The following SMYD4 variants were observed in gnomAD, a reference collection of about 807,000 sequenced individuals.
SMYD4 encodes protein-lysine N-methyltransferase SMYD4.
In SMYD4, 68 loss-of-function variants were observed where a neutral mutation model predicts 72.8. That is an observed-to-expected ratio of 0.93 (90% CI 0.77 to 1.14). The LOEUF (loss-of-function observed/expected upper bound fraction) is 1.14. SMYD4 is among the 50% of genes most tolerant of loss of function. The pLI is 0.00. For synonymous variants in SMYD4, 407 were observed against 388.6 expected (o/e 1.05, Z -0.56); for missense variants, 984 against 1,003.7 (o/e 0.98, Z 0.27).
intron 5 of SMYD4, among the ~76,000 whole-genome samples, chr17:1,793,995 G>GTATATATATATATGTA (rs546171787): frequency 1.1e-5 from 1 of 91,602 alleles, no homozygotes; most frequent in Non-Finnish European, 2.1e-5. Context: ...TAATTTTTGT[G>GTATATATATATATGTA]TATATATATA....
At chr17:1,819,774 A>G (rs1910799998) in intron 2 of SMYD4, among the ~76,000 whole-genome samples, 2 of 152,066 alleles carry the variant, frequency 1.3e-5, no homozygotes, top group African/African-American at 4.8e-5. Flanking sequence ...TTACACAGAC[A>G]TAATATGTAT....
chr17:1,803,886 GT>G (rs34556870), intron 4 of SMYD4, among the ~76,000 whole-genome samples: 42 of 143,966 alleles, frequency 2.9e-4, no homozygotes, highest in African/African-American at 6.2e-4. Flanking sequence ...AGTTCAGTTA[GT>G]TTTTTTTTTT....
intron 2 of SMYD4, 91 bp downstream of exon 2, chr17:1,827,766 CTTTA>C: frequency 6.9e-7 from 1 of 1,448,106 alleles, no homozygotes; most frequent in Non-Finnish European, 9.3e-7. Flanking sequence ...AAGACTCAAT[CTTTA>C]TTTAAGAAAA....
intron 5 of SMYD4, among the ~76,000 whole-genome samples, chr17:1,789,764 CAAA>C (rs60740904): frequency 6.7e-5 from 6 of 90,096 alleles, no homozygotes; most frequent in African/African-American, 1.9e-4. Flanking sequence ...GACTCTGTCT[CAAA>C]AAAAAAAAAA....
At chr17:1,782,672 T>C in intron 10 of SMYD4, 1 of 180,186 alleles carries the variant, frequency 5.5e-6, no homozygotes, top group Non-Finnish European at 1.1e-5. Flanking sequence ...GAAGGAGAGC[T>C]ATACTGGAGG....
chr17:1,790,295 G>A (rs1009277481), intron 5 of SMYD4, among the ~76,000 whole-genome samples: 1 of 152,144 alleles, frequency 6.6e-6, no homozygotes, highest in African/African-American at 2.4e-5. Context: ...GGGTATTTAT[G>A]TCAGAGTTGA....
intron 6 of SMYD4, 57 bp from the exon 7 acceptor site, chr17:1,787,030 T>G: frequency 6.3e-7 from 1 of 1,594,708 alleles, no homozygotes; most frequent in Non-Finnish European, 8.6e-7. Context: ...AAACACTACG[T>G]AAAAACCTTC....
intron 5 of SMYD4, among the ~76,000 whole-genome samples, chr17:1,793,263 A>G (rs192879278): frequency 6.6e-6 from 1 of 152,248 alleles, no homozygotes; most frequent in East Asian, 1.9e-4. Flanking sequence ...TATAGTTGCT[A>G]GAGATATTCC....
chr17:1,781,267 T>C lies in SMYD4; in HGVS notation c.*19A>G. On this transcript the variant is annotated 3_prime_UTR_variant, in exon 11 of 11. Transcript: ENST00000305513. ...GTTCCATGGGCTCCTTTTCTGTGGG[T>C]CAAAATCCTCCTGGAACCCTACAAT... 6.2e-7 allele frequency: 1 copy of C among 1,605,002 alleles called. No homozygotes were observed. The highest frequency in any genetic ancestry group is 1.1e-5 in the South Asian group (1 of 89,878).
Position 1,800,424 on chromosome 17 carries a change from G to A in SMYD4, c.970C>T (p.Gln324Ter). The A allele has an allele frequency of 6.2e-7, 1 of 1,614,174 alleles. No homozygotes were observed. The highest frequency in any genetic ancestry group is 8.5e-7 in the Non-Finnish European group (1 of 1,180,030). The change falls in exon 5 of 11, where the codon CAG becomes TAG. Residue 324 changes from glutamine (Q) to a stop codon, truncating the protein, a stop_gained. Coordinates refer to ENST00000305513, the MANE Select transcript of SMYD4 (RefSeq NM_052928.3). LOFTEE classifies it high-confidence loss of function. The part of the protein sequence containing the change: ...YAKYCSQECL[Q>*]QAWELYHRTE... ...CTGTGGTAGAGCTCCCAGGCCTGCT[G>A]CAAACACTCCTGGCTGCAATACTTG...
chr17:1,819,182 C>T (rs1464667646), intron 2 of SMYD4, among the ~76,000 whole-genome samples: 2 of 151,988 alleles, frequency 1.3e-5, no homozygotes, highest in East Asian at 1.9e-4. Context: ...CATGGTGAAA[C>T]CCCGTCTCTA....
intron 2 of SMYD4, among the ~76,000 whole-genome samples, chr17:1,821,853 C>T (rs1416519983): frequency 1.3e-5 from 2 of 151,702 alleles, no homozygotes; most frequent in Admixed American, 6.6e-5. Flanking sequence ...ATCGCTTGAA[C>T]CTGGGAGGCA....
At chr17:1,825,396 A>G (rs553700906) in intron 2 of SMYD4, among the ~76,000 whole-genome samples, 15 of 152,340 alleles carry the variant, frequency 9.8e-5, no homozygotes, top group Admixed American at 7.2e-4. Context: ...TAAAGGTAAA[A>G]AAATGTTAGC....
intron 3 of SMYD4, among the ~76,000 whole-genome samples, chr17:1,808,044 T>C (rs1043509838): frequency 2.0e-5 from 3 of 152,286 alleles, no homozygotes; most frequent in African/African-American, 7.2e-5. Flanking sequence ...CCAGAGGGGA[T>C]GTTAACTAGT....
chr17:1,793,295 T>G (rs1367740351), intron 5 of SMYD4, among the ~76,000 whole-genome samples: 3 of 151,668 alleles, frequency 2.0e-5, no homozygotes, highest in Non-Finnish European at 3.0e-5. Context: ...CATTTACATC[T>G]AATTTTTGTT....
At chr17:1,823,258 G>A (rs1253560453) in intron 2 of SMYD4, among the ~76,000 whole-genome samples, 1 of 150,972 alleles carries the variant, frequency 6.6e-6, no homozygotes, top group Non-Finnish European at 1.5e-5. Context: ...GCTGGGCGTG[G>A]TGGCAGGCGC....
At chr17:1,808,952 G>A (rs1910182120) in intron 3 of SMYD4, among the ~76,000 whole-genome samples, 3 of 152,254 alleles carry the variant, frequency 2.0e-5, no homozygotes, top group South Asian at 2.1e-4. Context: ...AGGTGTGATC[G>A]TTTTTGGAAA....
intron 8 of SMYD4, 136 bp from the exon 9 acceptor site, chr17:1,783,612 G>A: frequency 4.3e-6 from 6 of 1,406,388 alleles, no homozygotes; most frequent in East Asian, 2.5e-5. Flanking sequence ...TGTCACCAAC[G>A]CACAATGTCT....
intron 2 of SMYD4, among the ~76,000 whole-genome samples, chr17:1,815,996 G>A (rs534585671): frequency 2.6e-5 from 4 of 152,132 alleles, no homozygotes; most frequent in East Asian, 1.9e-4. Flanking sequence ...CACCATGCCC[G>A]GCCTATTTAA....
Sources: gnomAD v4.1 joint callset for allele counts (sites outside exome capture counted in the v4.1 genomes callset) on GRCh38, gnomAD v4.1.1 for gene constraint, MANE v1.5 for transcripts, NCBI Gene and HGNC (gene_info 2026-07-23, HGNC 2026-07-21) for gene names.